ZMYM1: variants seen among roughly 807,000 people sequenced by gnomAD.
ZMYM1 encodes zinc finger MYM-type protein 1.
A neutral mutation model predicts 60.0 loss-of-function variants in ZMYM1; 39 were observed. The observed-to-expected ratio is 0.65, with a 90% confidence interval of 0.50 to 0.85. The LOEUF is 0.85. ZMYM1 is among the 40% of genes least tolerant of loss of function. ZMYM1 has a pLI of 0.00. For missense variants in ZMYM1, 1,171 were observed against 1,309.5 expected, an observed-to-expected ratio of 0.89 and a Z score of 1.63; for synonymous variants, 413 against 454.0, an observed-to-expected ratio of 0.91 and a Z score of 1.15.
chr1:35,107,041 C>G (rs1463423038), intron 6 of ZMYM1, among the ~76,000 whole-genome samples: 2 of 151,300 alleles, frequency 1.3e-5, no homozygotes, highest in Admixed American at 6.6e-5. Context: ...TTAGTAGAGA[C>G]AGGGTTTCAC....
intron 1 of ZMYM1, among the ~76,000 whole-genome samples, chr1:35,063,909 A>G (rs569447353): frequency 6.6e-5 from 10 of 152,294 alleles, no homozygotes; most frequent in African/African-American, 2.4e-4. Context: ...AATTTCCCTC[A>G]CTGATAATGG....
chr1:35,097,088 T>C (rs1202599520), intron 3 of ZMYM1, among the ~76,000 whole-genome samples: 1 of 152,056 alleles, frequency 6.6e-6, no homozygotes, highest in African/African-American at 2.4e-5. Context: ...CCTCCCAAAG[T>C]GCTGGGATTA....
At chr1:35,112,397 C>T (rs1366234890) in intron 9 of ZMYM1, among the ~76,000 whole-genome samples, 1 of 150,422 alleles carries the variant, frequency 6.6e-6, no homozygotes, top group Non-Finnish European at 1.5e-5. Context: ...AACCTGGTCT[C>T]GAACTGCTGG....
rs1643167639 is a variant in ZMYM1 at position 35,093,919 on chromosome 1, T to C, written c.-69T>C. The stretch of plus-strand genomic sequence containing the variant: ...TTATCAATATTTTATTTTAGGAATC[T>C]GGAAACTGTTCTTCAGGAAGAAACC... On this transcript the variant is annotated 5_prime_UTR_variant, in exon 2 of 10. Transcript: ENST00000359858. The C allele has an allele frequency of 9.1e-7, 1 of 1,093,888 alleles. No homozygotes were observed. The highest frequency in any genetic ancestry group is 1.3e-6 in the Non-Finnish European group (1 of 763,762). 67.8% of individuals were successfully genotyped at this position (1,093,888 alleles called of 1,614,324 possible).
intron 9 of ZMYM1, 58 bp downstream of exon 9, chr1:35,112,188 T>G: frequency 1.3e-6 from 2 of 1,571,316 alleles, no homozygotes; most frequent in Non-Finnish European, 1.8e-6. Flanking sequence ...TTTGTTGTTG[T>G]TGTTGTTGAG....
At chr1:35,076,305 C>A (rs1342826818), upstream of ZMYM1, among the ~76,000 whole-genome samples, 1 of 152,128 alleles carries the variant, frequency 6.6e-6, no homozygotes, top group African/African-American at 2.4e-5. Context: ...ATTGATTTTA[C>A]CCATATGCCC....
intron 1 of ZMYM1, among the ~76,000 whole-genome samples, chr1:35,081,392 T>C (rs1642381104): frequency 6.6e-6 from 1 of 151,650 alleles, no homozygotes; most frequent in African/African-American, 2.4e-5. Context: ...TTTTTTGATA[T>C]TGTCTTGGTT....
At chr1:35,088,523 T>C (rs983000393) in intron 1 of ZMYM1, among the ~76,000 whole-genome samples, 102 of 147,884 alleles carry the variant, frequency 6.9e-4, no homozygotes, top group African/African-American at 2.5e-3. Context: ...TGTATATATA[T>C]TTTATATTAC....
rs1642019310 is a variant in ZMYM1, at chr1:35,068,712, T to C, written c.-301+8787T>C. ...CACACAAAAATTAGCTCAAAATGGA[T>C]CCTAGATCTAAATGTAAAATATAAA... On this transcript the variant is annotated intron_variant, in intron 1 of 10. Transcript: ENST00000417119. Among the ~76,000 whole-genome samples the C allele has an allele frequency of 2.6e-5, 4 of 151,038 alleles. 1 individual carries two copies. In the South Asian group the frequency reaches 8.3e-4, roughly 31 times the overall value.
chr1:35,114,222 A>C lies in ZMYM1; in HGVS notation c.2392A>C (p.Lys798Gln). The C allele has an allele frequency of 6.2e-7, 1 of 1,613,624 alleles. No homozygotes were observed. Among genetic ancestry groups the C allele is most frequent in the Admixed American group, 1.7e-5 (1 of 59,958 alleles). The part of the protein sequence containing the change: ...FRNIYRLSQN[K>Q]TCKKHISQSC... ...AAACATTTATAGGCTAAGTCAAAAC[A>C]AAACATGCAAGAAACATATATCACA... The change falls in exon 10 of 10, where the codon AAA becomes CAA. Residue 798 changes from lysine (K) to glutamine (Q), a missense_variant. Physicochemically the swap from Lys to Gln is moderately conservative, Grantham distance 53 (BLOSUM62 1). Coordinates refer to ENST00000359858, the MANE Select transcript of ZMYM1 (RefSeq NM_024772.5).
Position 35,104,442 on chromosome 1 carries a change from G to A in ZMYM1, c.567G>A (p.Lys189=), listed in dbSNP as rs77739907. The change falls in exon 5 of 10, where the codon AAG becomes AAA. Residue 189 remains lysine (K), a synonymous_variant. Transcript: ENST00000359858. ...VTICTNSILT[K]CSMCQKTAII... ...TATGTACTAATAGCATTTTGACCAA[G>A]TGCAGCATGTGCCAGAAGACTGCTA... The A allele has an allele frequency of 6.6e-3, 10,705 of 1,610,544 alleles. 514 individuals carry two copies. In the African/African-American group the frequency reaches 0.11, roughly 16 times the overall value.
intron 8 of ZMYM1, 56 bp downstream of exon 8, chr1:35,111,968 A>G: frequency 1.3e-6 from 2 of 1,557,726 alleles, no homozygotes; most frequent in Non-Finnish European, 1.7e-6. Flanking sequence ...TACTTGATAA[A>G]TCTGTCTATA....
intron 1 of ZMYM1, among the ~76,000 whole-genome samples, chr1:35,083,032 T>C (rs1175238499): frequency 6.6e-6 from 1 of 152,202 alleles, no homozygotes; most frequent in East Asian, 1.9e-4. Flanking sequence ...TTTTCATTTG[T>C]CTGAAAATGT....
rs1387916713 is a variant in ZMYM1, at chr1:35,060,968, G to A, written c.-301+1043G>A. 2.6e-5 allele frequency among the ~76,000 whole-genome samples: 4 copies of A among 152,186 alleles called. No individual in the cohort carries two copies. The East Asian group carries it at 7.7e-4, about 29-fold the overall frequency. On this transcript the variant is annotated intron_variant, in intron 1 of 10. Coordinates refer to the ZMYM1 transcript ENST00000417119. ...CAAGCTCTGGGCCCACCTGGAACAG[G>A]GTAGGAAAGGCCATGAGCCTGGCTA...
intron 4 of ZMYM1, among the ~76,000 whole-genome samples, chr1:35,100,778 C>T (rs959643378): frequency 2.0e-5 from 3 of 151,782 alleles, no homozygotes; most frequent in East Asian, 1.9e-4. Context: ...ATTTATTTAT[C>T]GGAAAGTTGT....
Position 35,115,177 on chromosome 1 carries a change from A to T in ZMYM1, c.3347A>T (p.Gln1116Leu). ...LTGPALMAVEQELVNKLMEPE... is the reference protein window; with the variant it reads ...LTGPALMAVELELVNKLMEPE... ...GGCCCAGCCCTAATGGCTGTTGAGC[A>T]GGAGTTGGTAAATAAACTAATGGAG... The change falls in exon 10 of 10, where the codon CAG becomes CTG. Residue 1116 changes from glutamine to leucine, a missense_variant. By Grantham distance (113) the Gln-to-Leu change is moderately radical. Transcript: ENST00000359858. 1 of 1,613,466 alleles carries T rather than the reference A, an allele frequency of 6.2e-7. No homozygotes were observed. Among genetic ancestry groups the T allele is most frequent in the Non-Finnish European group, 8.5e-7 (1 of 1,179,834 alleles).
intron 4 of ZMYM1, among the ~76,000 whole-genome samples, chr1:35,103,455 T>C (rs1028455137): frequency 6.6e-6 from 1 of 152,242 alleles, no homozygotes; most frequent in Non-Finnish European, 1.5e-5. Flanking sequence ...TCAAGGTTTG[T>C]CCATGTTGTA....
chr1:35,098,401 A>G (rs1248017299), intron 4 of ZMYM1, among the ~76,000 whole-genome samples: 1 of 152,164 alleles, frequency 6.6e-6, no homozygotes, highest in Non-Finnish European at 1.5e-5. Flanking sequence ...AGCACTTAGG[A>G]TATGCTAATT....
intron 6 of ZMYM1, among the ~76,000 whole-genome samples, chr1:35,105,009 G>A (rs1422793637): frequency 6.6e-6 from 1 of 152,050 alleles, no homozygotes; most frequent in South Asian, 2.1e-4. Context: ...AGGCAGGCTG[G>A]AGCCGGTTTA....
Sources: allele counts gnomAD v4.1 joint callset (sites outside exome capture counted in the v4.1 genomes callset), GRCh38; gene constraint gnomAD v4.1.1; transcripts MANE v1.5; gene names NCBI Gene and HGNC (gene_info 2026-07-23, HGNC 2026-07-21).